LEPR: variants seen among roughly 807,000 people sequenced by gnomAD.
LEPR encodes leptin receptor.
LEPR carries 56 observed loss-of-function variants against 114.7 expected under a neutral mutation model. The observed-to-expected ratio is 0.49, with a 90% CI of 0.39 to 0.61. The LOEUF (loss-of-function observed/expected upper bound fraction) is 0.61, where lower values mean the gene tolerates loss of function less well. LEPR is among the 20% of genes least tolerant of loss of function. The pLI, the probability that LEPR is intolerant of heterozygous loss-of-function variation, is 0.00. For missense variants in LEPR, 1,202 were observed against 1,352.9 expected (o/e 0.89, Z 1.75); for synonymous variants, 443 against 461.4 (o/e 0.96, Z 0.51).
rs368300562 is a variant in LEPR, at chr1:65,421,785, T to A, written c.-97+1045T>A. Among the ~76,000 whole-genome samples the A allele has an allele frequency of 2.9e-3, 437 of 152,298 alleles. 18 individuals are homozygous for A. In the South Asian group the frequency reaches 0.088, roughly 31 times the overall value. On this transcript the variant is annotated intron_variant, in intron 1 of 19. Transcript: ENST00000349533. ...TGCCGAAAACAGATGAAAAGTAGTG[T>A]CTCAGTACTACACATGATCAGAAAC...
chr1:65,473,280 A>G (rs557924505), intron 2 of LEPR, among the ~76,000 whole-genome samples: 1 of 152,316 alleles, frequency 6.6e-6, no homozygotes, highest in African/African-American at 2.4e-5. Flanking sequence ...GCTAAATCCA[A>G]TGCCTAGGCC....
At chr1:65,636,150 T>G in intron 19 of LEPR, 41 bp from the exon 20 acceptor site, 1 of 1,611,702 alleles carries the variant, frequency 6.2e-7, no homozygotes, top group Non-Finnish European at 8.5e-7. Context: ...AAGCAAAATT[T>G]TTTAACATAA....
At chr1:65,478,390 G>A (rs116035843) in intron 2 of LEPR, among the ~76,000 whole-genome samples, 3,697 of 152,270 alleles carry the variant, frequency 0.024, 153 homozygotes, top group African/African-American at 0.084. Flanking sequence ...TTAAACACTG[G>A]TTAATTATGG....
chr1:65,457,802 G>C (rs1646896076), intron 2 of LEPR, among the ~76,000 whole-genome samples: 1 of 152,012 alleles, frequency 6.6e-6, no homozygotes, highest in Admixed American at 6.6e-5. Flanking sequence ...TAAATTTCGA[G>C]ACAGGCTACA....
At chr1:65,424,361 AAAG>A (rs1456913098) in intron 1 of LEPR, among the ~76,000 whole-genome samples, 1 of 152,234 alleles carries the variant, frequency 6.6e-6, no homozygotes, top group African/African-American at 2.4e-5. Flanking sequence ...GATATAATTT[AAAG>A]AAGGAGGGCT....
intron 2 of LEPR, among the ~76,000 whole-genome samples, chr1:65,519,850 T>A (rs890569770): frequency 1.3e-5 from 2 of 151,392 alleles, no homozygotes; most frequent in African/African-American, 2.4e-5. Flanking sequence ...CAAAAAAAAA[T>A]GTTTTTTTTG....
At chr1:65,620,072 T>A in intron 17 of LEPR, 49 bp downstream of exon 17, 1 of 1,408,686 alleles carries the variant, frequency 7.1e-7, no homozygotes, top group Non-Finnish European at 1.0e-6. Flanking sequence ...GTGTGCCTAA[T>A]TTGTTTGCAG....
chr1:65,475,313 T>G (rs187386089), intron 2 of LEPR, among the ~76,000 whole-genome samples: 157 of 152,316 alleles, frequency 1.0e-3, no homozygotes, highest in Non-Finnish European at 6.3e-4. Context: ...AAAATTACCC[T>G]TCCCAATTTG....
At chr1:65,545,918 T>G (rs1012935449) in intron 2 of LEPR, among the ~76,000 whole-genome samples, 1 of 152,078 alleles carries the variant, frequency 6.6e-6, no homozygotes, top group Admixed American at 6.6e-5. Flanking sequence ...CTAGGTTTTC[T>G]TCTAGGGTTT....
chr1:65,505,844 A>G (rs1031556461), intron 2 of LEPR, among the ~76,000 whole-genome samples: 1 of 150,008 alleles, frequency 6.7e-6, no homozygotes, highest in African/African-American at 2.5e-5. Flanking sequence ...CTGTTTCCTG[A>G]TAGGCTTTCT....
intron 2 of LEPR, chr1:65,430,078 A>G (rs774705254): frequency 4.6e-6 from 7 of 1,519,462 alleles, no homozygotes; most frequent in East Asian, 2.3e-5. Flanking sequence ...GTTTTGCCCA[A>G]CCGTTGCTGA....
chr1:65,494,196 T>C (rs1031063305), intron 2 of LEPR: 1 of 152,182 alleles, frequency 6.6e-6, no homozygotes, highest in Non-Finnish European at 1.5e-5. Context: ...TTCCTTTTGT[T>C]TGAAGTGGTT....
At chr1:65,602,616 G>A (rs992133043) in intron 10 of LEPR, among the ~76,000 whole-genome samples, 1 of 151,974 alleles carries the variant, frequency 6.6e-6, no homozygotes, top group African/African-American at 2.4e-5. Flanking sequence ...ATATCCCATA[G>A]TAGTAGTCAA....
chr1:65,539,862 T>G (rs1651061331), intron 2 of LEPR, among the ~76,000 whole-genome samples: 1 of 152,172 alleles, frequency 6.6e-6, no homozygotes, highest in South Asian at 2.1e-4. Context: ...TGCAGTATCC[T>G]GGTATGGTGC....
chr1:65,443,766 G>C lies in LEPR; in HGVS notation c.-21+18388G>C, dbSNP rs139085532. On this transcript the variant is annotated intron_variant, in intron 2 of 19. Transcript: ENST00000349533. ...ATACTTCTTTGGCGTATTTTCAGTT[G>C]GTTATTCAGAGAAGTAGCAGACAGG... is the stretch of plus-strand genomic sequence containing the variant. Among the ~76,000 whole-genome samples, 9 of 152,146 alleles carry C rather than the reference G, an allele frequency of 5.9e-5. No individual in the cohort carries two copies. The East Asian group carries it at 1.7e-3, about 29-fold the overall frequency.
At chr1:65,532,755 T>C (rs1442959233) in intron 2 of LEPR, among the ~76,000 whole-genome samples, 2 of 152,206 alleles carry the variant, frequency 1.3e-5, no homozygotes, top group African/African-American at 4.8e-5. Flanking sequence ...ATTTTATTTA[T>C]ATGAACTGTC....
chr1:65,574,120 G>C (rs1192610284), intron 5 of LEPR, among the ~76,000 whole-genome samples: 1 of 152,052 alleles, frequency 6.6e-6, no homozygotes, highest in Non-Finnish European at 1.5e-5. Flanking sequence ...TCTTAGATGG[G>C]GGTTATCTAG....
At chr1:65,526,351 C>T (rs982229233) in intron 2 of LEPR, 1 of 985,282 alleles carries the variant, frequency 1.0e-6, no homozygotes, top group African/African-American at 1.7e-5. Flanking sequence ...AGCAAAACCC[C>T]AAACCCAATC....
intron 2 of LEPR, chr1:65,434,234 A>G (rs764400632): frequency 4.3e-4 from 423 of 976,484 alleles, no homozygotes; most frequent in Middle Eastern, 1.6e-3. Flanking sequence ...AAATATTAAT[A>G]GGAAATATTG....
Sources: allele counts gnomAD v4.1 joint callset (sites outside exome capture counted in the v4.1 genomes callset), GRCh38; gene constraint gnomAD v4.1.1; transcripts MANE v1.5; gene names NCBI Gene and HGNC (gene_info 2026-07-23, HGNC 2026-07-21).